The following TTLL10 variants were observed in gnomAD, a reference collection of about 807,000 sequenced individuals.
TTLL10 encodes the protein tubulin tyrosine ligase like 10, also known as inactive polyglycylase TTLL10.
Under a neutral mutation model 69.0 loss-of-function variants are expected in TTLL10, and 61 were observed. The observed-to-expected ratio is 0.88, with a 90% confidence interval of 0.72 to 1.09. TTLL10 has a LOEUF of 1.09. Among genes scored for constraint, TTLL10 ranks in the 50% least tolerant of loss-of-function variants. The pLI, the probability that TTLL10 is intolerant of heterozygous loss-of-function variation, is 0.00. For missense variants in TTLL10, 962 were observed against 945.9 expected, an observed-to-expected ratio of 1.02 and a Z score of -0.22; for synonymous variants, 408 against 393.3, an observed-to-expected ratio of 1.04 and a Z score of -0.44.
rs1225806453 is a variant in TTLL10 at position 1,179,252 on chromosome 1, G to A, written c.37G>A (p.Gly13Arg). The change falls in exon 4 of 16, where the codon GGA (glycine) becomes AGA (arginine). Residue 13 changes from glycine (G) to arginine (R), a missense_variant. By Grantham distance (125) the Gly-to-Arg change is moderately radical (BLOSUM62 -2). Transcript: ENST00000379289. ...HSCTRFIHRRGPPTRTRAGFK... is the reference protein window; with the variant it reads ...HSCTRFIHRRRPPTRTRAGFK... ...CTGCACCCGGTTCATCCACCGCCGG[G>A]GACCACCCACTCGGACCCGAGCCGG... 2 of 1,550,454 alleles carry A rather than the reference G, an allele frequency of 1.3e-6. No individual in the cohort carries two copies. Among genetic ancestry groups the A allele is most frequent in the South Asian group, 2.4e-5 (2 of 83,940 alleles).
chr1:1,179,262 C>A lies in TTLL10; in HGVS notation c.47C>A (p.Thr16Asn). The change falls in exon 4 of 16, where the codon ACT becomes AAT. Residue 16 changes from threonine (T) to asparagine (N), a missense_variant. Transcript: ENST00000379289. ...TRFIHRRGPP[T>N]RTRAGFKRGK... ...TTCATCCACCGCCGGGGACCACCCA[C>A]TCGGACCCGAGCCGGCTTCAAGAGG... The A allele has an allele frequency of 6.4e-7, 1 of 1,550,744 alleles. No homozygotes were observed. Among genetic ancestry groups the A allele is most frequent in the Non-Finnish European group, 8.7e-7 (1 of 1,146,688 alleles).
chr1:1,185,388 G>A lies in TTLL10; in HGVS notation c.1401+279G>A, dbSNP rs1026964864. On this transcript the variant is annotated intron_variant, in intron 13 of 15. Transcript: ENST00000379289. This position sits in a 1 kb window ranked among gnomAD's most constrained non-coding sequence, Gnocchi z 6.1. ...TCGCCGTAGGGTCAGGGGACAGCTC[G>A]GCTTCAGTGACAGCCACCATGTGAA... 47 of 1,290,390 alleles carry A rather than the reference G, an allele frequency of 3.6e-5. No individual in the cohort carries two copies. The highest frequency in any genetic ancestry group is 1.8e-4 in the African/African-American group (12 of 65,324). The allele number at this position is 1,290,390 out of a possible 1,614,324, so 79.9% of individuals were successfully genotyped here.
In TTLL10 at chr1:1,197,640, C is replaced by G; in HGVS notation, c.1815C>G (p.Asp605Glu). The G allele has an allele frequency of 6.6e-7, 1 of 1,504,496 alleles. No individual in the cohort carries two copies. The highest frequency in any genetic ancestry group is 8.8e-7 in the Non-Finnish European group (1 of 1,133,956). The allele number at this position is 1,504,496 out of a possible 1,614,324, so 93.2% of individuals were successfully genotyped here. A position where few individuals can be genotyped will look rare whatever the true frequency, so the allele number is the denominator to read the frequency against. ...SSGPPMPHAPDQPGARRPAPP... is the reference protein window; with the variant it reads ...SSGPPMPHAPEQPGARRPAPP... ...GGCCACCCATGCCGCATGCCCCAGA[C>G]CAGCCGGGCGCCCGCAGGCCTGCGC... is the stretch of plus-strand genomic sequence containing the variant. The change falls in exon 16 of 16, where the codon GAC becomes GAG. Residue 605 changes from aspartate (D) to glutamate (E), a missense_variant. Asp to Glu is a conservative substitution (Grantham distance 45). Transcript: ENST00000379289.
At chr1:1,179,574 G>A in intron 4 of TTLL10, 83 bp from the exon 5 acceptor site, 1 of 1,535,642 alleles carries the variant, frequency 6.5e-7, no homozygotes, top group Non-Finnish European at 8.8e-7. Flanking sequence ...CCCTGGAAGG[G>A]CAGCCCCTCG....
chr1:1,188,331 G>T lies in TTLL10; in HGVS notation c.1401+3222G>T, dbSNP rs189117932. ...TCAAGATTATTTTGGCTATTCAGGG[G>T]CCCCTTACAATTCCACAATTCCATA... On this transcript the variant is annotated intron_variant, in intron 13 of 15. Transcript: ENST00000379289. 4.3e-3 allele frequency among the ~76,000 whole-genome samples: 646 copies of T among 151,682 alleles called. 7 individuals are homozygous for T. The highest frequency in any genetic ancestry group is 0.015 in the African/African-American group (606 of 41,168).
At chr1:1,187,781 T>C (rs779822484) in intron 13 of TTLL10, among the ~76,000 whole-genome samples, 1 of 152,080 alleles carries the variant, frequency 6.6e-6, no homozygotes, top group African/African-American at 2.4e-5. Context: ...GGCGTGCACC[T>C]GTAGTCCCAG....
chr1:1,185,903 G>A lies in TTLL10; in HGVS notation c.1401+794G>A. The A allele has an allele frequency of 1.1e-6, 1 of 894,022 alleles. No individual in the cohort carries two copies. Among genetic ancestry groups the A allele is most frequent in the African/African-American group, 1.8e-5 (1 of 55,408 alleles). The allele number at this position is 894,022 out of a possible 1,614,324, so 55.4% of individuals were successfully genotyped here. ...TGGCTTTTAGTATTTCAAAAGTTGT[G>A]CAATTATCACCACCAATTCCAGAAC... On this transcript the variant is annotated intron_variant, in intron 13 of 15. Transcript: ENST00000379289. This position sits in a 1 kb window ranked among gnomAD's most constrained non-coding sequence, Gnocchi z 6.1.
Position 1,182,861 on chromosome 1 carries a change from C to A in TTLL10, c.917-15C>A. The A allele has an allele frequency of 2.6e-6, 4 of 1,550,190 alleles. No individual in the cohort carries two copies. The highest frequency in any genetic ancestry group is 3.5e-6 in the Non-Finnish European group (4 of 1,145,210). On this transcript the variant is annotated splice_polypyrimidine_tract_variant and intron_variant, in intron 10 of 15. Coordinates refer to ENST00000379289, the MANE Select transcript of TTLL10 (RefSeq NM_001130045.2). ...TTGGGGGCGAGGCCAGGGGCTCAGG[C>A]CGCGCTCTCTGCAGAAACCCAGATA...
intron 13 of TTLL10, among the ~76,000 whole-genome samples, chr1:1,190,351 C>G (rs1003357010): frequency 1.3e-5 from 2 of 149,576 alleles, no homozygotes; most frequent in African/African-American, 4.9e-5. Flanking sequence ...CTACTGTTTT[C>G]TATTCCATTT....
chr1:1,190,789 G>A (rs1045019009), intron 13 of TTLL10, among the ~76,000 whole-genome samples: 1 of 151,948 alleles, frequency 6.6e-6, no homozygotes, highest in African/African-American at 2.4e-5. Flanking sequence ...TTTGCGTGTT[G>A]TCTTCATTTT....
chr1:1,197,550 C>T lies in TTLL10; in HGVS notation c.1725C>T (p.His575=). 2.0e-6 allele frequency: 3 copies of T among 1,522,338 alleles called. No homozygotes were observed. Among genetic ancestry groups the T allele is most frequent in the Non-Finnish European group, 2.6e-6 (3 of 1,139,322 alleles). The allele number at this position is 1,522,338 out of a possible 1,614,324, so 94.3% of individuals were successfully genotyped here. A position where few individuals can be genotyped will look rare whatever the true frequency, so the allele number is the denominator to read the frequency against. ...ACGGTGAGGCCGACCCGCGGCCGCA[C>T]CTGGGGGGCTCGTGCAGCCTCCGCC... The part of the protein sequence containing the change: ...LHNGEADPRP[H]LGGSCSLRRW... The change falls in exon 16 of 16, where the codon CAC becomes CAT. Residue 575 remains histidine (H), a synonymous_variant. Coordinates refer to ENST00000379289, the MANE Select transcript of TTLL10 (RefSeq NM_001130045.2).
At position 1,181,761 on chromosome 1, in the gene TTLL10, C is replaced by T. The variant is rs138745293; in HGVS notation, c.776C>T (p.Ala259Val). ...TGCAGGCTGGAAAAGGACGCAGCAG[C>T]GCCCGCCCTGGAGGACCTCCCGTGG... Reference protein sequence around the residue: ...VQARLEKDAAAPALEDLPWTS... With the variant: ...VQARLEKDAAVPALEDLPWTS... The change falls in exon 9 of 16, where the codon GCG becomes GTG. Residue 259 changes from alanine to valine, a missense_variant. Physicochemically the swap from Ala to Val is moderately conservative, Grantham distance 64 (BLOSUM62 0). Coordinates refer to ENST00000379289, the MANE Select transcript of TTLL10 (RefSeq NM_001130045.2). The surrounding 1 kb of genome is among the most constrained non-coding windows in gnomAD (Gnocchi z 4.6). 9.7e-4 allele frequency: 1,557 copies of T among 1,606,710 alleles called. 1 individual carries two copies. The highest frequency in any genetic ancestry group is 1.2e-3 in the Non-Finnish European group (1,441 of 1,177,746).
chr1:1,180,931 ACCCGCCCCACCCCTGCCCCTGCG>A (rs1010489181), intron 8 of TTLL10, 71 bp downstream of exon 8: 65 of 1,287,740 alleles, frequency 5.0e-5, no homozygotes, highest in Non-Finnish European at 6.5e-5. Context: ...CTGCCCCTGC[ACCCGCCCCACCCCTGCCCCTGCG>A]CCCGCCCCTG....
At chr1:1,192,557 G>A (rs1034063239) in intron 13 of TTLL10, among the ~76,000 whole-genome samples, 7 of 150,038 alleles carry the variant, frequency 4.7e-5, no homozygotes, top group African/African-American at 1.5e-4. Context: ...CAGTTGGTAT[G>A]AGTGTAGACA....
intron 3 of TTLL10, among the ~76,000 whole-genome samples, chr1:1,178,746 C>T (rs953277976): frequency 1.3e-5 from 2 of 152,140 alleles, no homozygotes; most frequent in Non-Finnish European, 2.9e-5. Flanking sequence ...CAGAGGAACC[C>T]TGATGGCAGG....
intron 3 of TTLL10, among the ~76,000 whole-genome samples, chr1:1,178,538 G>C (rs1456227363): frequency 1.3e-5 from 2 of 150,978 alleles, no homozygotes; most frequent in Non-Finnish European, 2.9e-5. Flanking sequence ...TCCAGCCTGG[G>C]CCACAAGAAT....
In TTLL10 at chr1:1,181,741, G is replaced by A. The variant is rs1428965350; in HGVS notation, c.756G>A (p.Arg252=). Residue 252 remains arginine (R), a splice_region_variant and synonymous_variant, in exon 9 of 16, where the codon AGG becomes AGA. Transcript: ENST00000379289. This position sits in a 1 kb window ranked among gnomAD's most constrained non-coding sequence, Gnocchi z 4.6. ...AGGCCCTCTGTCCCCTGGGCTGCAG[G>A]CTGGAAAAGGACGCAGCAGCGCCCG... ...ASKVPGGVQA[R]LEKDAAAPAL... The A allele has an allele frequency of 6.3e-7, 1 of 1,599,340 alleles. No homozygotes were observed. Among genetic ancestry groups the A allele is most frequent in the Non-Finnish European group, 8.5e-7 (1 of 1,174,232 alleles).
At chr1:1,194,347 A>G (rs1648045989) in intron 13 of TTLL10, among the ~76,000 whole-genome samples, 1 of 152,186 alleles carries the variant, frequency 6.6e-6, no homozygotes, top group African/African-American at 2.4e-5. Flanking sequence ...ATTCATAATT[A>G]TTGTTGTATA....
At position 1,179,255 on chromosome 1, in the gene TTLL10, C is replaced by T. The variant is rs1338431808; in HGVS notation, c.40C>T (p.Pro14Ser). 2.6e-6 allele frequency: 4 copies of T among 1,550,364 alleles called. No homozygotes were observed. Among genetic ancestry groups the T allele is most frequent in the African/African-American group, 1.4e-5 (1 of 73,050 alleles). ...SCTRFIHRRGPPTRTRAGFKR... is the reference protein window; with the variant it reads ...SCTRFIHRRGSPTRTRAGFKR... ...CACCCGGTTCATCCACCGCCGGGGA[C>T]CACCCACTCGGACCCGAGCCGGCTT... The change falls in exon 4 of 16, where the codon CCA becomes TCA. Residue 14 changes from proline to serine, a missense_variant. Physicochemically the swap from Pro to Ser is moderately conservative, Grantham distance 74 (BLOSUM62 -1). Coordinates refer to ENST00000379289, the MANE Select transcript of TTLL10 (RefSeq NM_001130045.2).
Sources: gnomAD v4.1 joint callset for allele counts (sites outside exome capture counted in the v4.1 genomes callset) on GRCh38, gnomAD v4.1.1 for gene constraint, Gnocchi (gnomAD v3.1) non-coding constraint, MANE v1.5 for transcripts, NCBI Gene and HGNC (gene_info 2026-07-23, HGNC 2026-07-21) for gene names.